Variants in LRMDA observed in about 807,000 individuals in gnomAD.
LRMDA encodes the protein leucine-rich melanocyte differentiation-associated protein.
Under a neutral mutation model 29.8 loss-of-function variants are expected in LRMDA, and 18 were observed. The ratio of observed to expected loss-of-function variants is 0.60; its 90% confidence interval spans 0.42 to 0.90. The LOEUF is 0.90. Ranked by LOEUF, LRMDA falls within the 40% of genes least tolerant of loss-of-function variation. The pLI, the probability that LRMDA is intolerant of heterozygous loss-of-function variation, is 0.00. For missense variants in LRMDA, 273 were observed against 273.9 expected, an observed-to-expected ratio of 1.00 and a Z score of 0.02; for synonymous variants, 125 against 109.4, an observed-to-expected ratio of 1.14 and a Z score of -0.89.
At chr10:75,933,821 G>C (rs923157270) in intron 2 of LRMDA, among the ~76,000 whole-genome samples, 1 of 152,066 alleles carries the variant, frequency 6.6e-6, no homozygotes, top group African/African-American at 2.4e-5. Flanking sequence ...TGCTGAATGG[G>C]CTTTGTTCAG....
chr10:75,738,993 A>G (rs1842797817), intron 2 of LRMDA, among the ~76,000 whole-genome samples: 1 of 152,178 alleles, frequency 6.6e-6, no homozygotes, highest in Non-Finnish European at 1.5e-5. Context: ...CTGGCTGATT[A>G]GCAACTTTTG....
At chr10:76,398,142 A>G (rs1841808709) in intron 6 of LRMDA, among the ~76,000 whole-genome samples, 1 of 152,152 alleles carries the variant, frequency 6.6e-6, no homozygotes, top group Non-Finnish European at 1.5e-5. Flanking sequence ...ATTGAGATTT[A>G]TCATGGGACA....
At chr10:75,952,251 G>C (rs940855485) in intron 2 of LRMDA, among the ~76,000 whole-genome samples, 1 of 151,820 alleles carries the variant, frequency 6.6e-6, no homozygotes, top group African/African-American at 2.4e-5. Flanking sequence ...ACCTCGTGTT[G>C]TATTTTTTCT....
intron 5 of LRMDA, among the ~76,000 whole-genome samples, chr10:76,083,890 C>A (rs911831966): frequency 3.3e-5 from 5 of 150,524 alleles, no homozygotes; most frequent in African/African-American, 1.2e-4. Context: ...GTTGGTTGAA[C>A]CTTGTTTAAC....
At chr10:76,048,487 T>G (rs1299792226) in intron 4 of LRMDA, among the ~76,000 whole-genome samples, 1 of 152,222 alleles carries the variant, frequency 6.6e-6, no homozygotes, top group African/African-American at 2.4e-5. Flanking sequence ...CTATTGTAAC[T>G]GGTCGCATTA....
Position 75,632,177 on chromosome 10 carries a change from G to A in LRMDA, c.131+193683G>A, listed in dbSNP as rs141645215. Reference sequence around the variant, plus strand: ...TTACTCTAGTGCCTTTCCACAGAGAGAATTTGAGATAGAGTCAGAGGGATA... The same window carrying A: ...TTACTCTAGTGCCTTTCCACAGAGAAAATTTGAGATAGAGTCAGAGGGATA... On this transcript the variant is annotated intron_variant, in intron 2 of 6. Transcript: ENST00000611255. 4.5e-3 allele frequency among the ~76,000 whole-genome samples: 682 copies of A among 152,288 alleles called. 3 individuals carry two copies. The highest frequency in any genetic ancestry group is 0.017 in the Middle Eastern group (5 of 294).
At chr10:75,650,478 ATTATTGACTTTTTT>A in intron 2 of LRMDA, among the ~76,000 whole-genome samples, 1 of 140,882 alleles carries the variant, frequency 7.1e-6, no homozygotes, top group East Asian at 2.1e-4. Context: ...CCCCCATTAA[ATTATTGACTTTTTT>A]TTTTCATGAT....
At chr10:76,494,008 G>A (rs896089177) in intron 6 of LRMDA, among the ~76,000 whole-genome samples, 2 of 151,878 alleles carry the variant, frequency 1.3e-5, no homozygotes, top group Non-Finnish European at 2.9e-5. Context: ...TGATTTTTAT[G>A]TGTTGATCTT....
chr10:76,513,918 T>C (rs1214460819), intron 6 of LRMDA, among the ~76,000 whole-genome samples: 1 of 152,218 alleles, frequency 6.6e-6, no homozygotes, highest in Non-Finnish European at 1.5e-5. Context: ...GTCCATGTAT[T>C]ACATAGCTTA....
intron 2 of LRMDA, among the ~76,000 whole-genome samples, chr10:75,556,519 G>C (rs1840215438): frequency 6.6e-6 from 1 of 152,214 alleles, no homozygotes; most frequent in Non-Finnish European, 1.5e-5. Context: ...GGTTCTTCCA[G>C]TTGAAGAATG....
At chr10:76,326,943 C>A (rs1052037334) in intron 6 of LRMDA, among the ~76,000 whole-genome samples, 3 of 151,998 alleles carry the variant, frequency 2.0e-5, no homozygotes, top group Non-Finnish European at 4.4e-5. Context: ...TGTTGATTTT[C>A]TTCTTTCTAT....
intron 6 of LRMDA, chr10:76,396,495 C>T (rs1180756607): frequency 6.6e-6 from 1 of 152,220 alleles, no homozygotes; most frequent in African/African-American, 2.4e-5. Flanking sequence ...TTTTCTACTT[C>T]CCCAGTGAAC....
chr10:76,150,452 C>A (rs1850418848), intron 5 of LRMDA, among the ~76,000 whole-genome samples: 1 of 152,238 alleles, frequency 6.6e-6, no homozygotes, highest in African/African-American at 2.4e-5. Flanking sequence ...GCCTTCCCCT[C>A]CCCTGCCAGG....
At chr10:76,224,974 G>A (rs1851924197) in intron 5 of LRMDA, among the ~76,000 whole-genome samples, 1 of 151,934 alleles carries the variant, frequency 6.6e-6, no homozygotes, top group South Asian at 2.1e-4. Flanking sequence ...ATCTGGTTCT[G>A]TTATGACTCC....
intron 2 of LRMDA, among the ~76,000 whole-genome samples, chr10:75,800,946 T>C (rs1001258057): frequency 6.6e-6 from 1 of 152,248 alleles, no homozygotes; most frequent in African/African-American, 2.4e-5. Context: ...GTACACTTTG[T>C]TAGGGAAGCT....
At chr10:75,772,820 A>C (rs1217570160) in intron 2 of LRMDA, among the ~76,000 whole-genome samples, 1 of 121,132 alleles carries the variant, frequency 8.3e-6, no homozygotes, top group African/African-American at 3.2e-5. Context: ...TCATAGCCAG[A>C]GTGCCCTGCC....
intron 3 of LRMDA, among the ~76,000 whole-genome samples, chr10:76,041,995 AC>A (rs1278126523): frequency 6.6e-6 from 1 of 152,168 alleles, no homozygotes; most frequent in East Asian, 1.9e-4. Flanking sequence ...GGTTTCTTCC[AC>A]AGATTGCCTG....
At chr10:75,781,137 C>G (rs574438233) in intron 2 of LRMDA, among the ~76,000 whole-genome samples, 1 of 152,184 alleles carries the variant, frequency 6.6e-6, no homozygotes, top group African/African-American at 2.4e-5. Context: ...GGTAGTCATA[C>G]CTTTCCTCAT....
chr10:75,697,728 A>G (rs1383570597), intron 2 of LRMDA, among the ~76,000 whole-genome samples: 2 of 152,162 alleles, frequency 1.3e-5, no homozygotes, highest in Admixed American at 6.5e-5. Context: ...CTCATGATCC[A>G]TTAGAAATTA....
Sources: allele counts gnomAD v4.1 joint callset (sites outside exome capture counted in the v4.1 genomes callset), GRCh38; gene constraint gnomAD v4.1.1; transcripts MANE v1.5; gene names NCBI Gene and HGNC (gene_info 2026-07-23, HGNC 2026-07-21).